The following FERMT3 variants were observed in gnomAD, a reference collection of about 807,000 sequenced individuals.
The protein encoded by FERMT3 is fermitin family homolog 3.
In FERMT3, 33 loss-of-function variants were observed where a neutral mutation model predicts 80.8. The observed-to-expected ratio is 0.41, with a 90% confidence interval of 0.31 to 0.55. The LOEUF (loss-of-function observed/expected upper bound fraction) is 0.55. Ranked by LOEUF, FERMT3 falls within the 20% of genes least tolerant of loss-of-function variation. The pLI, the probability that FERMT3 is intolerant of heterozygous loss-of-function variation, is 0.31. For synonymous variants in FERMT3, 375 were observed against 372.2 expected, an observed-to-expected ratio of 1.01 and a Z score of -0.09; for missense variants, 754 against 908.7, an observed-to-expected ratio of 0.83 and a Z score of 2.19.
intron 6 of FERMT3, among the ~76,000 whole-genome samples, chr11:64,216,571 C>T (rs1166615099): frequency 6.8e-6 from 1 of 147,596 alleles, no homozygotes; most frequent in African/African-American, 2.5e-5. Flanking sequence ...CCAAGGAGGG[C>T]GGACCATGAG....
chr11:64,209,260 G>A, intron 2 of FERMT3, among the ~76,000 whole-genome samples: 1 of 152,234 alleles, frequency 6.6e-6, no homozygotes, highest in Non-Finnish European at 1.5e-5. Flanking sequence ...CAGTCCCAGT[G>A]TCAGCCACTC....
chr11:64,219,190 G>T lies in FERMT3; in HGVS notation c.787-61G>T. Reference sequence around the variant, plus strand: ...AAGGCTGGCAGGGGCTCAGTGCAGGGCGTCCAGGGCAGCTGGCATCTGACC... The same window carrying T: ...AAGGCTGGCAGGGGCTCAGTGCAGGTCGTCCAGGGCAGCTGGCATCTGACC... On this transcript the variant is annotated intron_variant, in intron 6 of 14. Transcript: ENST00000345728. The surrounding 1 kb of genome is among the most constrained non-coding windows in gnomAD (Gnocchi z 4.0). The T allele has an allele frequency of 6.7e-7, 1 of 1,486,878 alleles. No individual in the cohort carries two copies. The highest frequency in any genetic ancestry group is 9.2e-7 in the Non-Finnish European group (1 of 1,091,126). 92.1% of individuals were successfully genotyped at this position (1,486,878 alleles called of 1,614,324 possible). A position where few individuals can be genotyped will look rare whatever the true frequency, so the allele number is the denominator to read the frequency against.
upstream of FERMT3, among the ~76,000 whole-genome samples, chr11:64,206,365 C>T (rs1468132528): frequency 6.6e-6 from 1 of 152,220 alleles, no homozygotes; most frequent in East Asian, 1.9e-4. Flanking sequence ...GACTCCTGGG[C>T]TCTCCCTCCG....
At position 64,220,573 on chromosome 11, in the gene FERMT3, G is replaced by A. The variant is rs3802932; in HGVS notation, c.1449G>A (p.Pro483=). ...TGCAGCGCACGGGCAGTGGGGGCCCGGGCAACCACCCCCACGGCCCTGATG... is the reference window on the plus strand; with the variant it reads ...TGCAGCGCACGGGCAGTGGGGGCCCAGGCAACCACCCCCACGGCCCTGATG... ...LSLQRTGSGG[P]GNHPHGPDAS... Residue 483 remains proline (P), a synonymous_variant, in exon 12 of 15, where the codon CCG becomes CCA. Coordinates refer to ENST00000345728, the MANE Select transcript of FERMT3 (RefSeq NM_031471.6). 125,154 of 1,606,958 alleles carry A rather than the reference G, an allele frequency of 0.078. 9,308 individuals carry two copies. Among genetic ancestry groups the A allele is most frequent in the East Asian group, 0.47 (20,951 of 44,504 alleles).
Position 64,211,706 on chromosome 11 carries a change from C to G in FERMT3, c.745C>G (p.Leu249Val). Residue 249 changes from leucine (L) to valine (V), a missense_variant, in exon 6 of 15, where the codon CTG becomes GTG. Coordinates refer to ENST00000345728, the MANE Select transcript of FERMT3 (RefSeq NM_031471.6). This position sits in a 1 kb window ranked among gnomAD's most constrained non-coding sequence, Gnocchi z 4.7. The part of the protein sequence containing the change: ...QGIKAGDALW[L>V]RFKYYSFFDL... Reference sequence around the variant, plus strand: ...CATCAAGGCCGGGGACGCACTCTGGCTGCGCTTCAAGTACTACAGCTTCTT... The same window carrying G: ...CATCAAGGCCGGGGACGCACTCTGGGTGCGCTTCAAGTACTACAGCTTCTT... 6.2e-7 allele frequency: 1 copy of G among 1,614,214 alleles called. No individual in the cohort carries two copies.
At position 64,210,930 on chromosome 11, in the gene FERMT3, C is replaced by G; in HGVS notation, c.394+86C>G. ...GTTTCCAGGCCCAGCTCTGTTGACG[C>G]TGTCCTTGCTGTCTGGGTTGCCACC... On this transcript the variant is annotated intron_variant, in intron 3 of 14. Transcript: ENST00000345728. This position sits in a 1 kb window ranked among gnomAD's most constrained non-coding sequence, Gnocchi z 4.3. The G allele has an allele frequency of 6.2e-7, 1 of 1,607,170 alleles. No homozygotes were observed. The highest frequency in any genetic ancestry group is 8.5e-7 in the Non-Finnish European group (1 of 1,176,966).
chr11:64,222,523 C>T lies in FERMT3; in HGVS notation c.1671-525C>T, dbSNP rs567678707. Among the ~76,000 whole-genome samples the T allele has an allele frequency of 2.7e-5, 4 of 147,280 alleles. No individual in the cohort carries two copies. In the East Asian group the frequency reaches 7.9e-4, roughly 29 times the overall value. On this transcript the variant is annotated intron_variant, in intron 13 of 14. Coordinates refer to ENST00000345728, the MANE Select transcript of FERMT3 (RefSeq NM_031471.6). Reference sequence around the variant, plus strand: ...GAGGTTGCAGTGAGCCGAGATCGAGCCACTGTACTCCAGCCTGGCAACAAA... The same window carrying T: ...GAGGTTGCAGTGAGCCGAGATCGAGTCACTGTACTCCAGCCTGGCAACAAA...
rs1277265526 is a variant in FERMT3, at chr11:64,211,257, T to C, written c.515-18T>C. 6.2e-7 allele frequency: 1 copy of C among 1,612,576 alleles called. No individual in the cohort carries two copies. The highest frequency in any genetic ancestry group is 1.3e-5 in the African/African-American group (1 of 74,684). ...GCCCTGGGGGACAGGCCTGGTTGAC[T>C]CCCAACCTGCACTCCAGGCGTGGCA... On this transcript the variant is annotated intron_variant, in intron 4 of 14. Transcript: ENST00000345728. The surrounding 1 kb of genome is among the most constrained non-coding windows in gnomAD (Gnocchi z 4.7).
At chr11:64,220,859 C>T in intron 12 of FERMT3, 157 bp from the exon 13 acceptor site, 1 of 1,430,646 alleles carries the variant, frequency 7.0e-7, no homozygotes, top group Non-Finnish European at 9.6e-7. Flanking sequence ...GTCCACCTTG[C>T]AGCCTGGCGC....
chr11:64,220,863 C>A (rs1946666230), intron 12 of FERMT3, 153 bp from the exon 13 acceptor site: 2 of 1,447,566 alleles, frequency 1.4e-6, no homozygotes, highest in Non-Finnish European at 1.9e-6. Flanking sequence ...ACCTTGCAGC[C>A]TGGCGCAGTG....
chr11:64,215,239 C>T (rs554394039), intron 6 of FERMT3, among the ~76,000 whole-genome samples: 1 of 152,328 alleles, frequency 6.6e-6, no homozygotes, highest in Admixed American at 6.5e-5. Context: ...TCCCACACCC[C>T]GACCACCACT....
rs372151180 is a variant in FERMT3, at chr11:64,219,723, C to T, written c.1030-17C>T. The T allele has an allele frequency of 1.2e-6, 2 of 1,613,796 alleles. No individual in the cohort carries two copies. Among genetic ancestry groups the T allele is most frequent in the Non-Finnish European group, 1.7e-6 (2 of 1,179,940 alleles). The stretch of plus-strand genomic sequence containing the variant: ...TGTGAGGTACCGGGTGCCCCTCTGA[C>T]TCTGGTCCTCCCATAGGACAGCCTC... On this transcript the variant is annotated splice_polypyrimidine_tract_variant and intron_variant, in intron 8 of 14. Transcript: ENST00000345728. The surrounding 1 kb of genome is among the most constrained non-coding windows in gnomAD (Gnocchi z 4.0).
chr11:64,209,583 GCA>G (rs936639070), intron 2 of FERMT3, among the ~76,000 whole-genome samples: 5 of 152,214 alleles, frequency 3.3e-5, no homozygotes, highest in African/African-American at 1.2e-4. Context: ...GGATGCGGCG[GCA>G]CACAGCCAGA....
In FERMT3 at chr11:64,211,854, CT is replaced by C. The variant is rs1946450673; in HGVS notation, c.786+108del. ...TAGTGACTTGTAGTGGCCTGTCCGT[CT>C]GCCCGTTTGTCCATCCACACCTTTG... On this transcript the variant is annotated intron_variant, in intron 6 of 14. Transcript: ENST00000345728. The surrounding 1 kb of genome is among the most constrained non-coding windows in gnomAD (Gnocchi z 4.7). The C allele has an allele frequency of 9.2e-7, 1 of 1,086,518 alleles. No individual in the cohort carries two copies. Among genetic ancestry groups the C allele is most frequent in the African/African-American group, 1.5e-5 (1 of 65,054 alleles). 67.3% of individuals were successfully genotyped at this position (1,086,518 alleles called of 1,614,324 possible).
At chr11:64,220,766 C>T (rs1946664152) in intron 12 of FERMT3, 97 bp downstream of exon 12, 13 of 1,307,028 alleles carry the variant, frequency 9.9e-6, no homozygotes, top group Non-Finnish European at 1.3e-5. Flanking sequence ...AAGCTACGTA[C>T]TCACTGGGCT....
Position 64,219,824 on chromosome 11 carries a change from A to C in FERMT3, c.1079+35A>C. The C allele has an allele frequency of 6.2e-7, 1 of 1,613,918 alleles. No homozygotes were observed. The highest frequency in any genetic ancestry group is 8.5e-7 in the Non-Finnish European group (1 of 1,179,986). ...GGGCCAGAGTAGGCAGCCCTGCTGG[A>C]GGGGTTGGTCTGCATATGGAGGGAG... On this transcript the variant is annotated intron_variant, in intron 9 of 14. Transcript: ENST00000345728. The surrounding 1 kb of genome is among the most constrained non-coding windows in gnomAD (Gnocchi z 4.0).
intron 13 of FERMT3, among the ~76,000 whole-genome samples, chr11:64,222,804 C>G (rs1946738842): frequency 6.6e-6 from 1 of 152,152 alleles, no homozygotes; most frequent in Admixed American, 6.5e-5. Flanking sequence ...AAAAAGTTAC[C>G]ATTTAAAGGC....
Position 64,211,432 on chromosome 11 carries a change from G to A in FERMT3, c.672G>A (p.Gln224=). The part of the protein sequence containing the change: ...PRPSSLSDKT[Q]LHSRWLDSSR... ...CCAGCTCCCTGTCAGACAAGACCCA[G>A]CTCCACAGCAGGTGCACCCAGGAGC... Residue 224 remains glutamine, a synonymous_variant, in exon 5 of 15, where the codon CAG becomes CAA. Transcript: ENST00000345728. This position sits in a 1 kb window ranked among gnomAD's most constrained non-coding sequence, Gnocchi z 4.7. 1 of 1,593,780 alleles carries A rather than the reference G, an allele frequency of 6.3e-7. No individual in the cohort carries two copies. The highest frequency in any genetic ancestry group is 8.5e-7 in the Non-Finnish European group (1 of 1,172,928).
chr11:64,223,025 C>T, intron 13 of FERMT3, 23 bp from the exon 14 acceptor site: 1 of 1,613,094 alleles, frequency 6.2e-7, no homozygotes, highest in Non-Finnish European at 8.5e-7. Flanking sequence ...AGCCCTGGCT[C>T]ACTCTCTCTC....
Sources: allele counts gnomAD v4.1 joint callset (sites outside exome capture counted in the v4.1 genomes callset), GRCh38; gene constraint gnomAD v4.1.1; non-coding constraint Gnocchi (gnomAD v3.1); transcripts MANE v1.5; gene names NCBI Gene and HGNC (gene_info 2026-07-23, HGNC 2026-07-21).